The following FOXK1 variants were observed in gnomAD, a reference collection of about 807,000 sequenced individuals.
The protein encoded by FOXK1 is forkhead box K1.
In FOXK1, 19 loss-of-function variants were observed where a neutral mutation model predicts 51.9. That is an observed-to-expected ratio of 0.37 (90% confidence interval 0.26 to 0.54). The LOEUF (loss-of-function observed/expected upper bound fraction) is 0.54. FOXK1 is among the 20% of genes least tolerant of loss of function. The probability of loss-of-function intolerance (pLI) is 0.87; values close to 1 mark genes in which losing one functional copy is unlikely to be tolerated. For synonymous variants in FOXK1, 537 were observed against 482.6 expected, an observed-to-expected ratio of 1.11 and a Z score of -1.48; for missense variants, 870 against 1,032.7, an observed-to-expected ratio of 0.84 and a Z score of 2.16.
rs1445096575 is a variant in FOXK1 at position 4,762,009 on chromosome 7, T to G, written c.1922-175T>G. Among the ~76,000 whole-genome samples, 1 of 151,308 alleles carries G rather than the reference T, an allele frequency of 6.6e-6. No homozygotes were observed. Among genetic ancestry groups the G allele is most frequent in the Non-Finnish European group, 1.5e-5 (1 of 67,792 alleles). On this transcript the variant is annotated intron_variant, in intron 8 of 8. Coordinates refer to ENST00000328914, the MANE Select transcript of FOXK1 (RefSeq NM_001037165.2). The surrounding 1 kb of genome is among the most constrained non-coding windows in gnomAD (Gnocchi z 5.7). Reference sequence around the variant, plus strand: ...GCCAGCAGAGACAGGGCAGATGAGGTGGGGAGGGGACGGCAGGGCCCGCAG... The same window carrying G: ...GCCAGCAGAGACAGGGCAGATGAGGGGGGGAGGGGACGGCAGGGCCCGCAG...
intron 1 of FOXK1, among the ~76,000 whole-genome samples, chr7:4,691,991 A>G: frequency 6.6e-6 from 1 of 152,114 alleles, no homozygotes; most frequent in East Asian, 1.9e-4. Context: ...ACTCCTACAC[A>G]TTACTGGGGA....
At chr7:4,719,249 C>T (rs761450020) in intron 1 of FOXK1, among the ~76,000 whole-genome samples, 23 of 152,266 alleles carry the variant, frequency 1.5e-4, no homozygotes, top group Middle Eastern at 3.4e-3. Flanking sequence ...TTCCTCCTGA[C>T]TCAGCCTCCC....
In FOXK1 at chr7:4,699,463, G is replaced by C. The variant is rs534457992; in HGVS notation, c.560+16595G>C. On this transcript the variant is annotated intron_variant, in intron 1 of 8. Coordinates refer to ENST00000328914, the MANE Select transcript of FOXK1 (RefSeq NM_001037165.2). ...GGCTCACTGCAGCGTCTGCCTCCCAGGTCAAGCGATTGTCCTGTGTCAGCC... is the reference window on the plus strand; with the variant it reads ...GGCTCACTGCAGCGTCTGCCTCCCACGTCAAGCGATTGTCCTGTGTCAGCC... 1.6e-3 allele frequency among the ~76,000 whole-genome samples: 243 copies of C among 151,898 alleles called. 6 individuals are homozygous for C. The highest frequency in any genetic ancestry group is 6.8e-3 in the Middle Eastern group (2 of 294).
At chr7:4,705,521 C>T (rs1230520758) in intron 1 of FOXK1, among the ~76,000 whole-genome samples, 1 of 112,388 alleles carries the variant, frequency 8.9e-6, no homozygotes, top group Non-Finnish European at 1.8e-5. Flanking sequence ...TTCTCTTTCT[C>T]TCTCTCTCTC....
At chr7:4,686,221 G>A (rs976567574) in intron 1 of FOXK1, among the ~76,000 whole-genome samples, 1 of 152,106 alleles carries the variant, frequency 6.6e-6, no homozygotes, top group Non-Finnish European at 1.5e-5. Context: ...TGCCTTGGAC[G>A]TGCTTGGATT....
chr7:4,701,023 G>C (rs191267596), intron 1 of FOXK1, among the ~76,000 whole-genome samples: 113 of 152,338 alleles, frequency 7.4e-4, no homozygotes, highest in Non-Finnish European at 2.1e-4. Flanking sequence ...CAGTGGAGCA[G>C]ACTGGCCCTC....
chr7:4,750,314 G>A (rs1298376377), intron 2 of FOXK1, among the ~76,000 whole-genome samples: 5 of 152,188 alleles, frequency 3.3e-5, no homozygotes, highest in Non-Finnish European at 7.3e-5. Flanking sequence ...TACCCCAGAA[G>A]GAGTGATTCC....
intron 1 of FOXK1, among the ~76,000 whole-genome samples, chr7:4,684,306 C>G (rs1779791909): frequency 6.6e-6 from 1 of 152,218 alleles, no homozygotes; most frequent in African/African-American, 2.4e-5. Context: ...CGCCTTGCGT[C>G]TGGGGAATTT....
Position 4,682,463 on chromosome 7 carries a change from C to G in FOXK1, c.155C>G (p.Pro52Arg). The change falls in exon 1 of 9, where the codon CCG becomes CGG. Residue 52 changes from proline to arginine, a missense_variant. Around this residue, in one of 3 missense-constraint regions of FOXK1, gnomAD observed 399 missense variants for 475.6 expected, o/e 0.84. Coordinates refer to ENST00000328914, the MANE Select transcript of FOXK1 (RefSeq NM_001037165.2). The surrounding 1 kb of genome is among the most constrained non-coding windows in gnomAD (Gnocchi z 7.6). ...GCGCAGCCCCAGCCTCCGCCCGGGC[C>G]GCCGCCGCCGCCGCCACCGCCGCTG... is the stretch of plus-strand genomic sequence containing the variant. ...APAQPQPPPGPPPPPPPPLPP... is the reference protein window; with the variant it reads ...APAQPQPPPGRPPPPPPPLPP... 1 of 981,932 alleles carries G rather than the reference C, an allele frequency of 1.0e-6. No homozygotes were observed. Among genetic ancestry groups the G allele is most frequent in the Non-Finnish European group, 1.2e-6 (1 of 829,046 alleles). The allele number at this position is 981,932 out of a possible 1,614,324, so 60.8% of individuals were successfully genotyped here.
rs1168223785 is a variant in FOXK1, at chr7:4,743,818, C to T, written c.746+2795C>T. Among the ~76,000 whole-genome samples, 4 of 152,102 alleles carry T rather than the reference C, an allele frequency of 2.6e-5. No homozygotes were observed. The highest frequency in any genetic ancestry group is 9.7e-5 in the African/African-American group (4 of 41,414). On this transcript the variant is annotated intron_variant, in intron 2 of 8. Transcript: ENST00000328914. This position sits in a 1 kb window ranked among gnomAD's most constrained non-coding sequence, Gnocchi z 5.3. ...CTCCTGAGGAAGGGCTAGGCCAGCG[C>T]CCCCGCCTTAGCCTGGGAGTGGGTT...
intron 1 of FOXK1, among the ~76,000 whole-genome samples, chr7:4,685,088 T>C (rs1779801854): frequency 6.6e-6 from 1 of 152,092 alleles, no homozygotes; most frequent in African/African-American, 2.4e-5. Flanking sequence ...TCTGTTTTTA[T>C]TTGACTTCAC....
intron 1 of FOXK1, among the ~76,000 whole-genome samples, chr7:4,736,906 G>A (rs1780559669): frequency 6.6e-6 from 1 of 152,156 alleles, no homozygotes; most frequent in African/African-American, 2.4e-5. Flanking sequence ...GCCACAATTT[G>A]CTCTTTGAAA....
chr7:4,725,270 C>G (rs949339168), intron 1 of FOXK1, among the ~76,000 whole-genome samples: 1 of 152,236 alleles, frequency 6.6e-6, no homozygotes, highest in African/African-American at 2.4e-5. Context: ...GGCCGGAACG[C>G]CCCTTGGAGC....
Position 4,766,121 on chromosome 7 carries a change from G to A in FOXK1, c.*3657G>A, listed in dbSNP as rs1044910036. On this transcript the variant is annotated 3_prime_UTR_variant, in exon 9 of 9. Coordinates refer to ENST00000328914, the MANE Select transcript of FOXK1 (RefSeq NM_001037165.2). This position sits in a 1 kb window ranked among gnomAD's most constrained non-coding sequence, Gnocchi z 5.5. Reference sequence around the variant, plus strand: ...TGACACCTGCCCTCCGTTGAGGGTGGAATCTGTCACTCATGCCTTTGAGGG... The same window carrying A: ...TGACACCTGCCCTCCGTTGAGGGTGAAATCTGTCACTCATGCCTTTGAGGG... 4 of 152,286 alleles carry A rather than the reference G, an allele frequency of 2.6e-5. No individual in the cohort carries two copies. The highest frequency in any genetic ancestry group is 9.6e-5 in the African/African-American group (4 of 41,466). 9.4% of individuals were successfully genotyped at this position (152,286 alleles called of 1,614,324 possible). A position where few individuals can be genotyped will look rare whatever the true frequency, so the allele number is the denominator to read the frequency against.
intron 1 of FOXK1, among the ~76,000 whole-genome samples, chr7:4,696,549 T>C (rs543757181): frequency 3.0e-4 from 45 of 152,314 alleles, no homozygotes; most frequent in African/African-American, 1.1e-3. Flanking sequence ...TCATTAAGCG[T>C]TGGTGTGAAT....
chr7:4,685,590 C>T (rs1204181821), intron 1 of FOXK1, among the ~76,000 whole-genome samples: 1 of 148,874 alleles, frequency 6.7e-6, no homozygotes, highest in African/African-American at 2.5e-5. Flanking sequence ...GTAGAACAGG[C>T]TGTCATAAAC....
chr7:4,707,715 C>T lies in FOXK1; in HGVS notation c.560+24847C>T, dbSNP rs1165710723. 1.3e-5 allele frequency among the ~76,000 whole-genome samples: 2 copies of T among 150,746 alleles called. No individual in the cohort carries two copies. The highest frequency in any genetic ancestry group is 4.9e-5 in the African/African-American group (2 of 40,466). ...TTTTTTTTTTTTTGAGACGGACTCT[C>T]TCTCCGTTGCCCAGGCTGGAGTGCA... On this transcript the variant is annotated intron_variant, in intron 1 of 8. Transcript: ENST00000328914. The surrounding 1 kb of genome is among the most constrained non-coding windows in gnomAD (Gnocchi z 4.1).
chr7:4,711,150 C>T lies in FOXK1; in HGVS notation c.560+28282C>T, dbSNP rs1468979217. On this transcript the variant is annotated intron_variant, in intron 1 of 8. Transcript: ENST00000328914. The surrounding 1 kb of genome is among the most constrained non-coding windows in gnomAD (Gnocchi z 6.3). ...GTCTCTCTGACTTCTTCTACTCAAG[C>T]ATGATGTCCGTTCCTGATGCCTTGC... 1.3e-5 allele frequency among the ~76,000 whole-genome samples: 2 copies of T among 152,166 alleles called. No homozygotes were observed. Among genetic ancestry groups the T allele is most frequent in the Non-Finnish European group, 2.9e-5 (2 of 68,022 alleles).
At chr7:4,759,690 C>T in intron 7 of FOXK1, 95 bp downstream of exon 7, 1 of 1,364,730 alleles carries the variant, frequency 7.3e-7, no homozygotes, top group Non-Finnish European at 9.8e-7. Context: ...GGGCCTGGGG[C>T]TTGAGGAGGA....
Sources: allele counts gnomAD v4.1 joint callset (sites outside exome capture counted in the v4.1 genomes callset), GRCh38; gene constraint gnomAD v4.1.1; regional missense constraint gnomAD v4.1.1; non-coding constraint Gnocchi (gnomAD v3.1); transcripts MANE v1.5; gene names NCBI Gene and HGNC (gene_info 2026-07-23, HGNC 2026-07-21).